FHOD3: variants seen among roughly 807,000 people sequenced by gnomAD.
FHOD3 encodes the protein FH1/FH2 domain-containing protein 3.
A neutral mutation model predicts 173.0 loss-of-function variants in FHOD3; 90 were observed. That is an observed-to-expected ratio of 0.52 (90% CI 0.44 to 0.62). The LOEUF is 0.62. FHOD3 is among the 20% of genes least tolerant of loss of function. FHOD3 has a pLI of 0.00. For missense variants in FHOD3, 1,945 were observed against 2,034.7 expected (o/e 0.96, Z 0.85); for synonymous variants, 828 against 823.0 (o/e 1.01, Z -0.10).
chr18:36,718,056 G>A lies in FHOD3; in HGVS notation c.2758G>A (p.Asp920Asn). ...CCTGCAGGCCAACTCTCAGACCCAGGATGAGAGTGTCAGGAGGGTGGATGT... is the reference window on the plus strand; with the variant it reads ...CCTGCAGGCCAACTCTCAGACCCAGAATGAGAGTGTCAGGAGGGTGGATGT... ...STLQANSQTQ[D>N]ESVRRVDVGC... Residue 920 changes from aspartate (D) to asparagine (N), a missense_variant, in exon 19 of 29, where the codon GAT becomes AAT. Transcript: ENST00000590592. 1 of 1,601,034 alleles carries A rather than the reference G, an allele frequency of 6.2e-7. No homozygotes were observed. The highest frequency in any genetic ancestry group is 8.5e-7 in the Non-Finnish European group (1 of 1,173,028).
intron 3 of FHOD3, among the ~76,000 whole-genome samples, chr18:36,434,046 T>C (rs926539231): frequency 6.6e-6 from 1 of 152,218 alleles, no homozygotes; most frequent in African/African-American, 2.4e-5. Context: ...TGGCGATTGC[T>C]GATAGGCTTC....
intron 18 of FHOD3, among the ~76,000 whole-genome samples, chr18:36,713,875 G>A (rs935096829): frequency 2.0e-5 from 3 of 152,108 alleles, no homozygotes; most frequent in African/African-American, 4.8e-5. Context: ...AATAAGACAA[G>A]TGGCAGACTT....
At chr18:36,736,960 A>G (rs989319190) in intron 20 of FHOD3, among the ~76,000 whole-genome samples, 4 of 152,252 alleles carry the variant, frequency 2.6e-5, no homozygotes, top group African/African-American at 9.6e-5. Context: ...GCAATTATCA[A>G]TAAATCTACT....
At chr18:36,409,877 C>T (rs977612002) in intron 3 of FHOD3, among the ~76,000 whole-genome samples, 7 of 152,148 alleles carry the variant, frequency 4.6e-5, no homozygotes, top group African/African-American at 1.7e-4. Context: ...CCTCTGTTGA[C>T]CTAATATGTT....
At chr18:36,324,043 A>C (rs1258404923) in intron 1 of FHOD3, among the ~76,000 whole-genome samples, 1 of 152,262 alleles carries the variant, frequency 6.6e-6, no homozygotes, top group Non-Finnish European at 1.5e-5. Flanking sequence ...AGGCTGCTTT[A>C]AAGTTACAGT....
intron 1 of FHOD3, among the ~76,000 whole-genome samples, chr18:36,317,717 G>C (rs2044198133): frequency 6.6e-6 from 1 of 152,186 alleles, no homozygotes. Flanking sequence ...CTGTGCAGAA[G>C]CTCTTTAGTT....
chr18:36,359,111 C>T (rs1388286345), intron 2 of FHOD3, among the ~76,000 whole-genome samples: 2 of 152,120 alleles, frequency 1.3e-5, no homozygotes, highest in Non-Finnish European at 2.9e-5. Flanking sequence ...ATGGCAAATA[C>T]CATTTTTTTC....
At position 36,646,437 on chromosome 18, in the gene FHOD3, G is replaced by A. The variant is rs540955293; in HGVS notation, c.1197-2879G>A. 6.6e-4 allele frequency among the ~76,000 whole-genome samples: 100 copies of A among 152,238 alleles called. 1 individual carries two copies. Among genetic ancestry groups the A allele is most frequent in the African/African-American group, 2.3e-3 (94 of 41,552 alleles). On this transcript the variant is annotated intron_variant, in intron 10 of 28. Transcript: ENST00000590592. Reference sequence around the variant, plus strand: ...ACCATAGATTAAAAAACATAGCAAAGATGTCAGTTCTTCAAATTTGCATAT... The same window carrying A: ...ACCATAGATTAAAAAACATAGCAAAAATGTCAGTTCTTCAAATTTGCATAT...
chr18:36,525,529 A>C (rs1373678450), intron 5 of FHOD3, among the ~76,000 whole-genome samples: 1 of 152,216 alleles, frequency 6.6e-6, no homozygotes, highest in Non-Finnish European at 1.5e-5. Context: ...TTAAGCTGCC[A>C]AGCAATTTGT....
chr18:36,658,480 T>A (rs896674364), intron 14 of FHOD3, among the ~76,000 whole-genome samples: 2 of 152,214 alleles, frequency 1.3e-5, no homozygotes, highest in Admixed American at 1.3e-4. Flanking sequence ...ATTCATTCCT[T>A]AAAAACTGTT....
At chr18:36,607,596 T>C (rs771734723) in intron 8 of FHOD3, among the ~76,000 whole-genome samples, 3 of 152,236 alleles carry the variant, frequency 2.0e-5, no homozygotes, top group Non-Finnish European at 4.4e-5. Flanking sequence ...TTTTACTCTT[T>C]ACATGGCCAA....
intron 5 of FHOD3, among the ~76,000 whole-genome samples, chr18:36,548,778 G>A (rs998952380): frequency 5.3e-5 from 8 of 152,052 alleles, no homozygotes; most frequent in African/African-American, 1.9e-4. Context: ...TTCATTGCTG[G>A]GTAGCTTTCC....
chr18:36,625,277 G>A (rs573259752), intron 9 of FHOD3, among the ~76,000 whole-genome samples: 14 of 152,306 alleles, frequency 9.2e-5, no homozygotes, highest in Admixed American at 3.3e-4. Flanking sequence ...TTGGCTGCCC[G>A]CTTCGTGTCT....
chr18:36,396,901 C>A (rs899657112), intron 3 of FHOD3, among the ~76,000 whole-genome samples: 4 of 151,746 alleles, frequency 2.6e-5, no homozygotes, highest in African/African-American at 9.7e-5. Flanking sequence ...TCACAGACAT[C>A]TATTGTTTTA....
Position 36,755,325 on chromosome 18 carries a change from A to G in FHOD3, c.4425+14A>G. Reference sequence around the variant, plus strand: ...ATGATCACCGATGTAAGTTTCACACAATCCCTCTCCTTATGTCATTCGTTT... The same window carrying G: ...ATGATCACCGATGTAAGTTTCACACGATCCCTCTCCTTATGTCATTCGTTT... On this transcript the variant is annotated intron_variant, in intron 25 of 28. Coordinates refer to ENST00000590592, the MANE Select transcript of FHOD3 (RefSeq NM_001281740.3). The G allele has an allele frequency of 6.5e-7, 1 of 1,544,698 alleles. No individual in the cohort carries two copies. Among genetic ancestry groups the G allele is most frequent in the South Asian group, 1.2e-5 (1 of 81,122 alleles).
In FHOD3 at chr18:36,632,360, G is replaced by A. The variant is rs2034577502; in HGVS notation, c.1196+6611G>A. Among the ~76,000 whole-genome samples the A allele has an allele frequency of 5.3e-5, 8 of 152,242 alleles. No individual in the cohort carries two copies. The South Asian group carries it at 1.7e-3, about 32-fold the overall frequency. On this transcript the variant is annotated intron_variant, in intron 10 of 28. Coordinates refer to ENST00000590592, the MANE Select transcript of FHOD3 (RefSeq NM_001281740.3). The stretch of plus-strand genomic sequence containing the variant: ...GCTATTAACATTTCCTTTTCTTAGT[G>A]TTGCCTGTAAATATTCTTTGCTCAT...
At chr18:36,522,815 T>C (rs2056337720) in intron 5 of FHOD3, among the ~76,000 whole-genome samples, 1 of 152,120 alleles carries the variant, frequency 6.6e-6, no homozygotes, top group African/African-American at 2.4e-5. Flanking sequence ...TACCAAGAAA[T>C]GTGTGTGCAT....
chr18:36,613,733 G>C (rs1282818668), intron 9 of FHOD3, among the ~76,000 whole-genome samples: 4 of 152,118 alleles, frequency 2.6e-5, no homozygotes, highest in African/African-American at 9.7e-5. Context: ...GAGTGTGGTG[G>C]CGCGATCTCG....
chr18:36,726,713 C>T (rs1299135907), intron 19 of FHOD3, among the ~76,000 whole-genome samples: 1 of 151,926 alleles, frequency 6.6e-6, no homozygotes, highest in African/African-American at 2.4e-5. Context: ...CTCACTCTGT[C>T]ACCCAGGCTG....
Sources: gnomAD v4.1 joint callset for allele counts (sites outside exome capture counted in the v4.1 genomes callset) on GRCh38, gnomAD v4.1.1 for gene constraint, MANE v1.5 for transcripts, NCBI Gene and HGNC (gene_info 2026-07-23, HGNC 2026-07-21) for gene names.